Variants in PFKFB3 observed in about 807,000 individuals in gnomAD.
PFKFB3 encodes the protein 6-phosphofructo-2-kinase/fructose-2,6-bisphosphatase 3.
A neutral mutation model predicts 68.0 loss-of-function variants in PFKFB3; 33 were observed. The observed-to-expected ratio is 0.49, with a 90% confidence interval of 0.37 to 0.65. The LOEUF (loss-of-function observed/expected upper bound fraction) is 0.65, where lower values mean the gene tolerates loss of function less well. PFKFB3 is among the 30% of genes least tolerant of loss of function. The pLI is 0.00. For missense variants in PFKFB3, 586 were observed against 712.2 expected (o/e 0.82, Z 2.02); for synonymous variants, 315 against 288.2 (o/e 1.09, Z -0.94).
At chr10:6,276,979 G>T in the PFKFB3 span, among the ~76,000 whole-genome samples, 6 of 151,998 alleles carry the variant, frequency 3.9e-5, no homozygotes, top group Admixed American at 6.6e-5. Flanking sequence ...CCCCTCTAGA[G>T]CCTCAAGTCA....
At chr10:6,295,047 A>C in the PFKFB3 span, among the ~76,000 whole-genome samples, 1 of 151,510 alleles carries the variant, frequency 6.6e-6, no homozygotes, top group Non-Finnish European at 1.5e-5. Context: ...AAAGGAAATG[A>C]CATAGATTGA....
intron 1 of PFKFB3, among the ~76,000 whole-genome samples, chr10:6,177,448 C>CTTTCTTTCTTTCT (rs1554842959): frequency 8.8e-6 from 1 of 113,216 alleles, no homozygotes; most frequent in East Asian, 2.9e-4. Flanking sequence ...CTCTTTCTTT[C>CTTTCTTTCTTTCT]TTTCTTTCTT....
At chr10:6,282,392 C>T in the PFKFB3 span, among the ~76,000 whole-genome samples, 3 of 152,116 alleles carry the variant, frequency 2.0e-5, no homozygotes, top group East Asian at 1.9e-4. Flanking sequence ...TCCAGATTCC[C>T]GCTGCATGGT....
chr10:6,289,338 G>A, the PFKFB3 span, among the ~76,000 whole-genome samples: 3,027 of 151,632 alleles, frequency 0.02, 92 homozygotes, highest in African/African-American at 0.069. Flanking sequence ...ATGGTTTTAG[G>A]TCTAACATTT....
At chr10:6,216,321 C>A in intron 4 of PFKFB3, 130 bp downstream of exon 4, 1 of 899,292 alleles carries the variant, frequency 1.1e-6, no homozygotes, top group Non-Finnish European at 1.8e-6. Context: ...CAGGGCAGCC[C>A]AATGGCTCAG....
At chr10:6,169,266 C>T (rs1842233396) in intron 1 of PFKFB3, among the ~76,000 whole-genome samples, 1 of 152,204 alleles carries the variant, frequency 6.6e-6, no homozygotes, top group Non-Finnish European at 1.5e-5. Flanking sequence ...TGTCACAGTG[C>T]ATCTGCTTGG....
intron 1 of PFKFB3, among the ~76,000 whole-genome samples, chr10:6,191,013 A>T (rs1365949899): frequency 1.3e-5 from 2 of 152,112 alleles, no homozygotes; most frequent in East Asian, 3.9e-4. Flanking sequence ...TCCTGGGCTT[A>T]AGCGATCCTC....
intron 14 of PFKFB3, among the ~76,000 whole-genome samples, chr10:6,247,060 C>T (rs1426116434): frequency 1.3e-5 from 2 of 152,208 alleles, no homozygotes; most frequent in African/African-American, 2.4e-5. Context: ...TGTAGATAAA[C>T]CAAGGGCAAC....
At chr10:6,304,406 C>G in the PFKFB3 span, among the ~76,000 whole-genome samples, 1 of 151,380 alleles carries the variant, frequency 6.6e-6, no homozygotes, top group African/African-American at 2.4e-5. Context: ...TGTACAGCAT[C>G]ACGTATCCCT....
chr10:6,321,186 A>G, the PFKFB3 span, among the ~76,000 whole-genome samples: 1 of 152,132 alleles, frequency 6.6e-6, no homozygotes, highest in Admixed American at 6.5e-5. Context: ...AGGAAGTAGA[A>G]GTAGGGTGTG....
intron 14 of PFKFB3, among the ~76,000 whole-genome samples, chr10:6,243,748 T>C (rs956709269): frequency 6.6e-6 from 1 of 152,216 alleles, no homozygotes; most frequent in South Asian, 2.1e-4. Context: ...TCTGAGACAG[T>C]GTCTTGCTAG....
chr10:6,238,468 G>C (rs368240151), downstream of PFKFB3, among the ~76,000 whole-genome samples: 520 of 130,436 alleles, frequency 4.0e-3, 6 homozygotes, highest in Middle Eastern at 0.015. Flanking sequence ...CCTGGCTGAG[G>C]TGCCATCTCA....
At chr10:6,181,823 A>G (rs1842721929) in intron 1 of PFKFB3, among the ~76,000 whole-genome samples, 4 of 151,234 alleles carry the variant, frequency 2.6e-5, no homozygotes, top group Admixed American at 2.6e-4. Flanking sequence ...AAAAAAAGAC[A>G]AATACTGCAT....
the PFKFB3 span, among the ~76,000 whole-genome samples, chr10:6,278,193 G>A: frequency 3.9e-5 from 6 of 152,190 alleles, no homozygotes; most frequent in African/African-American, 1.2e-4. Flanking sequence ...TGGGATTACA[G>A]GCGTGAGCCG....
At chr10:6,313,165 T>C in the PFKFB3 span, among the ~76,000 whole-genome samples, 1 of 152,192 alleles carries the variant, frequency 6.6e-6, no homozygotes. The surrounding 1 kb of genome is among the most constrained non-coding windows in gnomAD (Gnocchi z 4.2). Flanking sequence ...ATCAAGAAAT[T>C]AAATGTCCGT....
At chr10:6,146,931 T>C (rs1841406804) in intron 1 of PFKFB3, among the ~76,000 whole-genome samples, 1 of 152,172 alleles carries the variant, frequency 6.6e-6, no homozygotes, top group African/African-American at 2.4e-5. Context: ...TTCCTGGAGG[T>C]CCCAGAGTGT....
chr10:6,188,828 A>ATTT (rs35338599), intron 1 of PFKFB3, among the ~76,000 whole-genome samples: 1 of 113,046 alleles, frequency 8.8e-6, no homozygotes, highest in Non-Finnish European at 1.8e-5. Context: ...CTTCCTTTTA[A>ATTT]TTTTTTTTTT....
intron 4 of PFKFB3, 142 bp from the exon 5 acceptor site, chr10:6,216,564 A>G: frequency 1.4e-6 from 1 of 711,296 alleles, no homozygotes; most frequent in Non-Finnish European, 2.5e-6. Context: ...CCTGGAGAGG[A>G]CTGTGGGCAG....
Position 6,228,353 on chromosome 10 carries a change from T to C in PFKFB3, c.1515+1988T>C. 1.1e-6 allele frequency: 1 copy of C among 944,434 alleles called. No individual in the cohort carries two copies. The highest frequency in any genetic ancestry group is 1.7e-6 in the Non-Finnish European group (1 of 586,212). 58.5% of individuals were successfully genotyped at this position (944,434 alleles called of 1,614,324 possible). The stretch of plus-strand genomic sequence containing the variant: ...GGTCTTCCGTGGGGGAAGGAGGAGA[T>C]GGGCGTAGGAGTAGGGAGGAGAGAT... On this transcript the variant is annotated intron_variant, in intron 14 of 14. Coordinates refer to ENST00000379775, the MANE Select transcript of PFKFB3 (RefSeq NM_004566.4). This position sits in a 1 kb window ranked among gnomAD's most constrained non-coding sequence, Gnocchi z 4.5.
Sources: allele counts gnomAD v4.1 joint callset (sites outside exome capture counted in the v4.1 genomes callset), GRCh38; gene constraint gnomAD v4.1.1; non-coding constraint Gnocchi (gnomAD v3.1); transcripts MANE v1.5; gene names NCBI Gene and HGNC (gene_info 2026-07-23, HGNC 2026-07-21).